The following COG5 variants were observed in gnomAD, a reference collection of about 807,000 sequenced individuals.
COG5 encodes conserved oligomeric Golgi complex subunit 5.
Under a neutral mutation model 110.4 loss-of-function variants are expected in COG5, and 86 were observed. That is an observed-to-expected ratio of 0.78 (90% CI 0.65 to 0.93). The LOEUF (loss-of-function observed/expected upper bound fraction) is 0.93. Ranked by LOEUF, COG5 falls within the 40% of genes least tolerant of loss-of-function variation. The pLI is 0.00. For synonymous variants in COG5, 360 were observed against 334.6 expected, an observed-to-expected ratio of 1.08 and a Z score of -0.83; for missense variants, 1,077 against 987.0, an observed-to-expected ratio of 1.09 and a Z score of -1.22.
intron 6 of COG5, among the ~76,000 whole-genome samples, chr7:107,478,363 T>C (rs117770741): frequency 0.022 from 3,387 of 152,094 alleles, 59 homozygotes; most frequent in Non-Finnish European, 0.035. Context: ...TTTAGTTGTA[T>C]GTTCTATTCT....
intron 11 of COG5, among the ~76,000 whole-genome samples, chr7:107,314,513 G>A (rs1406548638): frequency 1.3e-5 from 2 of 151,558 alleles, no homozygotes; most frequent in Non-Finnish European, 2.9e-5. Flanking sequence ...GGAGGCCGAG[G>A]CGGGCAGATC....
intron 6 of COG5, among the ~76,000 whole-genome samples, chr7:107,432,317 G>A (rs1794079539): frequency 6.6e-6 from 1 of 152,150 alleles, no homozygotes; most frequent in African/African-American, 2.4e-5. Context: ...AGTAAACACA[G>A]AGAGGTCAGA....
intron 18 of COG5, among the ~76,000 whole-genome samples, chr7:107,234,981 A>G (rs1242669313): frequency 6.6e-6 from 1 of 152,262 alleles, no homozygotes; most frequent in Non-Finnish European, 1.5e-5. Flanking sequence ...AGCCATATTA[A>G]TGGTAACGTT....
chr7:107,317,880 A>G (rs571193047), intron 11 of COG5, among the ~76,000 whole-genome samples: 2 of 152,316 alleles, frequency 1.3e-5, no homozygotes, highest in African/African-American at 4.8e-5. Flanking sequence ...GTGGAGTTCA[A>G]CTTACTTATT....
chr7:107,466,704 C>CTT (rs2129105035), intron 6 of COG5, among the ~76,000 whole-genome samples: 1 of 152,302 alleles, frequency 6.6e-6, no homozygotes, highest in African/African-American at 2.4e-5. Context: ...CAAATAAAAT[C>CTT]TCTGAATTGG....
chr7:107,393,623 C>T (rs1790781723), intron 7 of COG5, among the ~76,000 whole-genome samples: 1 of 152,202 alleles, frequency 6.6e-6, no homozygotes, highest in African/African-American at 2.4e-5. Context: ...CCATTCTGTA[C>T]TCCCTCCAAC....
At chr7:107,299,854 TA>T (rs1351932265) in intron 11 of COG5, among the ~76,000 whole-genome samples, 17 of 135,664 alleles carry the variant, frequency 1.3e-4, no homozygotes, top group African/African-American at 4.6e-4. Flanking sequence ...TATATATATA[TA>T]TATCTGGAAT....
At chr7:107,505,367 C>G (rs1219462686) in intron 6 of COG5, among the ~76,000 whole-genome samples, 1 of 152,140 alleles carries the variant, frequency 6.6e-6, no homozygotes, top group Non-Finnish European at 1.5e-5. Context: ...ACCTTAGCTC[C>G]CTTGTCAGGC....
chr7:107,384,852 ACTG>A (rs1377476472), intron 7 of COG5, among the ~76,000 whole-genome samples: 1 of 152,178 alleles, frequency 6.6e-6, no homozygotes, highest in Non-Finnish European at 1.5e-5. Context: ...GAGGAAATAA[ACTG>A]CTGTTTAAAC....
chr7:107,422,301 T>A (rs1056972343), intron 6 of COG5, among the ~76,000 whole-genome samples: 1 of 152,218 alleles, frequency 6.6e-6, no homozygotes, highest in Non-Finnish European at 1.5e-5. Flanking sequence ...GGCTGTTGAT[T>A]TTTAAGTTTT....
intron 5 of COG5, among the ~76,000 whole-genome samples, chr7:107,542,040 T>G (rs922914890): frequency 1.3e-5 from 2 of 151,920 alleles, no homozygotes; most frequent in Non-Finnish European, 2.9e-5. Flanking sequence ...AGGTAGATTA[T>G]AGATCTAAAC....
intron 19 of COG5, among the ~76,000 whole-genome samples, chr7:107,221,759 C>A (rs1232592656): frequency 1.3e-4 from 18 of 143,812 alleles, no homozygotes; most frequent in African/African-American, 4.5e-4. Flanking sequence ...AGTGAGACTC[C>A]GTCTCAAAAA....
intron 12 of COG5, among the ~76,000 whole-genome samples, chr7:107,295,095 A>G (rs1295132578): frequency 1.3e-5 from 1 of 75,852 alleles, no homozygotes; most frequent in Non-Finnish European, 2.5e-5. Flanking sequence ...ATATATATAT[A>G]TATATATTTT....
intron 5 of COG5, among the ~76,000 whole-genome samples, chr7:107,533,941 A>C (rs1801392957): frequency 6.6e-6 from 1 of 151,688 alleles, no homozygotes; most frequent in Non-Finnish European, 1.5e-5. Context: ...CCACAAAGGG[A>C]AGCCCATCAG....
intron 6 of COG5, among the ~76,000 whole-genome samples, chr7:107,414,236 A>C (rs181145463): frequency 6.6e-5 from 10 of 152,332 alleles, no homozygotes; most frequent in Admixed American, 2.0e-4. Flanking sequence ...AGCATTACTC[A>C]CATCTTGACA....
At chr7:107,282,795 G>A (rs141517427) in intron 13 of COG5, among the ~76,000 whole-genome samples, 4,837 of 152,258 alleles carry the variant, frequency 0.032, 244 homozygotes, top group African/African-American at 0.11. Flanking sequence ...TTACAGGCGT[G>A]AGCCACCATG....
At chr7:107,486,820 G>A (rs1280725452) in intron 6 of COG5, among the ~76,000 whole-genome samples, 1 of 152,098 alleles carries the variant, frequency 6.6e-6, no homozygotes, top group Non-Finnish European at 1.5e-5. Flanking sequence ...CTAAACAATG[G>A]AAAAACAGGG....
chr7:107,525,255 A>AAT (rs1800648010), intron 6 of COG5, among the ~76,000 whole-genome samples: 2 of 151,508 alleles, frequency 1.3e-5, no homozygotes, highest in Non-Finnish European at 2.9e-5. Context: ...TTTTTCGAAG[A>AAT]CATGACCATT....
At chr7:107,547,579 T>C (rs1303094744) in intron 5 of COG5, among the ~76,000 whole-genome samples, 1 of 152,270 alleles carries the variant, frequency 6.6e-6, no homozygotes, top group East Asian at 1.9e-4. Flanking sequence ...GAAGTAAAAT[T>C]ATCCCTGTCT....
Sources: allele counts gnomAD v4.1 joint callset (sites outside exome capture counted in the v4.1 genomes callset), GRCh38; gene constraint gnomAD v4.1.1; transcripts MANE v1.5; gene names NCBI Gene and HGNC (gene_info 2026-07-23, HGNC 2026-07-21).